Variants in MPC2 observed in about 807,000 individuals in gnomAD.
MPC2 encodes the protein mitochondrial pyruvate carrier 2.
A neutral mutation model predicts 19.2 loss-of-function variants in MPC2; 19 were observed. The observed-to-expected ratio is 0.99, with a 90% CI of 0.69 to 1.45. MPC2 has a LOEUF of 1.45. MPC2 is among the 40% of genes most tolerant of loss of function. MPC2 has a pLI of 0.00. For synonymous variants in MPC2, 61 were observed against 54.3 expected (o/e 1.12, Z -0.54); for missense variants, 122 against 153.0 (o/e 0.80, Z 1.07).
At position 167,918,363 on chromosome 1, in the gene MPC2, T is replaced by C. The variant is rs371012330; in HGVS notation, c.348-4A>G. 3.7e-5 allele frequency: 56 copies of C among 1,512,472 alleles called. No homozygotes were observed. The African/African-American group carries it at 6.8e-4, about 18-fold the overall frequency. The allele number at this position is 1,512,472 out of a possible 1,614,324, so 93.7% of individuals were successfully genotyped here. A position where few individuals can be genotyped will look rare whatever the true frequency, so the allele number is the denominator to read the frequency against. On this transcript the variant is annotated splice_region_variant and splice_polypyrimidine_tract_variant and intron_variant, in intron 5 of 5. Coordinates refer to ENST00000271373, the MANE Select transcript of MPC2 (RefSeq NM_001143674.4). The stretch of plus-strand genomic sequence containing the variant: ...AGCTTTTAGTTCTTGGTTATATCTA[T>C]AAAGAAAACAGAAAGAAAAATAATC...
At chr1:167,927,113 T>C (rs1670782293) in intron 2 of MPC2, among the ~76,000 whole-genome samples, 1 of 152,238 alleles carries the variant, frequency 6.6e-6, no homozygotes, top group Admixed American at 6.5e-5. Context: ...GGATAGATGC[T>C]AATCAAAGAT....
chr1:167,925,243 C>A (rs1212449431), intron 2 of MPC2, among the ~76,000 whole-genome samples: 1 of 151,744 alleles, frequency 6.6e-6, no homozygotes, highest in Admixed American at 6.6e-5. Context: ...ATTTGTAAAT[C>A]TATGTACCTA....
intron 2 of MPC2, among the ~76,000 whole-genome samples, chr1:167,927,401 T>A (rs1176927907): frequency 6.6e-6 from 1 of 152,248 alleles, no homozygotes; most frequent in Non-Finnish European, 1.5e-5. Context: ...TTTTTCTTTG[T>A]CATACACAGT....
rs1393668995 is a variant in MPC2 at position 167,920,576 on chromosome 1, G to A, written c.206C>T (p.Thr69Ile). ...DMARPAEKLS[T>I]AQSAVLMATG... ...AGCCATCAAAACAGCAGATTGAGCT[G>A]TGCTAAGTTTTTCTGCAGGTCTGGC... The change falls in exon 4 of 6, where the codon ACA (threonine) becomes ATA (isoleucine). Residue 69 changes from threonine to isoleucine, a missense_variant. Transcript: ENST00000271373. 2 of 1,613,894 alleles carry A rather than the reference G, an allele frequency of 1.2e-6. No individual in the cohort carries two copies. The highest frequency in any genetic ancestry group is 1.3e-5 in the African/African-American group (1 of 74,926).
chr1:167,925,534 G>T (rs866578454), intron 2 of MPC2, among the ~76,000 whole-genome samples: 1,795 of 77,370 alleles, frequency 0.023, 56 homozygotes, highest in African/African-American at 0.076. Context: ...TTTTTTTTTG[G>T]TTTTTTTTTT....
intron 2 of MPC2, among the ~76,000 whole-genome samples, chr1:167,925,913 TAA>T (rs1352749011): frequency 1.3e-5 from 2 of 152,248 alleles, no homozygotes; most frequent in Admixed American, 1.3e-4. Flanking sequence ...TAAATATTGA[TAA>T]GTCTGTCTTA....
chr1:167,924,654 T>C, intron 2 of MPC2, 117 bp from the exon 3 acceptor site: 1 of 683,528 alleles, frequency 1.5e-6, no homozygotes, highest in South Asian at 2.3e-5. Flanking sequence ...TTTTAACCAC[T>C]TTTACTATGC....
At chr1:167,926,155 T>C (rs1442822396) in intron 2 of MPC2, among the ~76,000 whole-genome samples, 2 of 152,236 alleles carry the variant, frequency 1.3e-5, no homozygotes, top group Admixed American at 1.3e-4. Flanking sequence ...TATCTAACCA[T>C]TTTTACATTT....
At chr1:167,936,244 C>T (rs997142551) in intron 1 of MPC2, 6 of 231,200 alleles carry the variant, frequency 2.6e-5, no homozygotes, top group Admixed American at 1.6e-4. Context: ...CCTCCTTCTC[C>T]CCATGCCCTC....
chr1:167,921,951 T>C (rs1221584018), intron 3 of MPC2, among the ~76,000 whole-genome samples: 1 of 152,242 alleles, frequency 6.6e-6, no homozygotes, highest in Admixed American at 6.5e-5. Flanking sequence ...TGATTAGTTA[T>C]GTGGTTTCAA....
Position 167,916,761 on chromosome 1 carries a change from TATGTC to T in MPC2, c.*1557_*1561del, listed in dbSNP as rs1227537017. The T allele has an allele frequency of 6.6e-6, 1 of 152,178 alleles. No homozygotes were observed. The highest frequency in any genetic ancestry group is 1.5e-5 in the Non-Finnish European group (1 of 68,032). 9.4% of individuals were successfully genotyped at this position (152,178 alleles called of 1,614,324 possible). On this transcript the variant is annotated 3_prime_UTR_variant, in exon 6 of 6. Coordinates refer to ENST00000271373, the MANE Select transcript of MPC2 (RefSeq NM_001143674.4). ...AATTTTTAATAAACTTTTTTGTGTC[TATGTC>T]ATATTTCATAATGTTTTTCCTAAAT...
At position 167,919,294 on chromosome 1, in the gene MPC2, C is replaced by A. The variant is rs987166221; in HGVS notation, c.347+685G>T. ...TAGTCTTTCCTTCCCTTCTACCATA[C>A]CTTGGGCTTCATTTACTATTCCTCC... On this transcript the variant is annotated intron_variant, in intron 5 of 5. Transcript: ENST00000271373. 2.6e-5 allele frequency among the ~76,000 whole-genome samples: 4 copies of A among 152,260 alleles called. No individual in the cohort carries two copies. In the East Asian group the frequency reaches 7.7e-4, roughly 29 times the overall value.
chr1:167,920,578 G>C lies in MPC2; in HGVS notation c.204C>G (p.Ser68Arg). 1 of 1,613,956 alleles carries C rather than the reference G, an allele frequency of 6.2e-7. No individual in the cohort carries two copies. The change falls in exon 4 of 6, where the codon AGC becomes AGG. Residue 68 changes from serine (S) to arginine (R), a missense_variant. By Grantham distance (110) the Ser-to-Arg change is moderately radical. Coordinates refer to ENST00000271373, the MANE Select transcript of MPC2 (RefSeq NM_001143674.4). ...ADMARPAEKL[S>R]TAQSAVLMAT... ...CCATCAAAACAGCAGATTGAGCTGTGCTAAGTTTTTCTGCAGGTCTGGCCA... is the reference window on the plus strand; with the variant it reads ...CCATCAAAACAGCAGATTGAGCTGTCCTAAGTTTTTCTGCAGGTCTGGCCA...
At chr1:167,931,748 T>C (rs1042398710) in intron 2 of MPC2, among the ~76,000 whole-genome samples, 1 of 152,124 alleles carries the variant, frequency 6.6e-6, no homozygotes, top group African/African-American at 2.4e-5. Flanking sequence ...CACTAAGTTG[T>C]ATTTAACCAT....
rs1035419413 is a variant in MPC2, at chr1:167,916,933, T to G, written c.*1390A>C. ...GGCCTATGTCAAGCTCTCTAATCTT[T>G]TCTCCTCAATGGTAGGCCATGGTTA... On this transcript the variant is annotated 3_prime_UTR_variant, in exon 6 of 6. Coordinates refer to ENST00000271373, the MANE Select transcript of MPC2 (RefSeq NM_001143674.4). 1 of 152,238 alleles carries G rather than the reference T, an allele frequency of 6.6e-6. No homozygotes were observed. Among genetic ancestry groups the G allele is most frequent in the African/African-American group, 2.4e-5 (1 of 41,464 alleles). 9.4% of individuals were successfully genotyped at this position (152,238 alleles called of 1,614,324 possible). A position where few individuals can be genotyped will look rare whatever the true frequency, so the allele number is the denominator to read the frequency against.
At chr1:167,923,977 A>C (rs149611124) in intron 3 of MPC2, among the ~76,000 whole-genome samples, 1 of 152,366 alleles carries the variant, frequency 6.6e-6, no homozygotes, top group East Asian at 1.9e-4. Context: ...TTTTCAGCTA[A>C]GTAAGAACTT....
At chr1:167,936,051 A>T in intron 1 of MPC2, 153 bp from the exon 2 acceptor site, 1 of 591,568 alleles carries the variant, frequency 1.7e-6, no homozygotes, top group Non-Finnish European at 3.0e-6. Flanking sequence ...GAGGCTGCCG[A>T]CTGCCAGCCC....
chr1:167,921,524 G>T (rs12075652), intron 3 of MPC2, among the ~76,000 whole-genome samples: 4,546 of 152,060 alleles, frequency 0.03, 235 homozygotes, highest in African/African-American at 0.1. Flanking sequence ...GCCCGGCCTT[G>T]GCTGTTACGC....
rs536060936 is a variant in MPC2, at chr1:167,921,720, GT to G, written c.151-1090del. On this transcript the variant is annotated intron_variant, in intron 3 of 5. Coordinates refer to ENST00000271373, the MANE Select transcript of MPC2 (RefSeq NM_001143674.4). ...TGTAATTTACATGATTTAATAAATT[GT>G]TTTTTTTTAAAAAAACTAAGCTGGA... 1.3e-4 allele frequency among the ~76,000 whole-genome samples: 20 copies of G among 150,750 alleles called. No individual in the cohort carries two copies. In the East Asian group the frequency reaches 1.4e-3, roughly 10 times the overall value.
Sources: gnomAD v4.1 joint callset for allele counts (sites outside exome capture counted in the v4.1 genomes callset) on GRCh38, gnomAD v4.1.1 for gene constraint, MANE v1.5 for transcripts, NCBI Gene and HGNC (gene_info 2026-07-23, HGNC 2026-07-21) for gene names.